Variants in APOB observed in about 807,000 individuals in gnomAD.
APOB encodes apolipoprotein B-100.
Under a neutral mutation model 314.1 loss-of-function variants are expected in APOB, and 153 were observed. The observed-to-expected ratio is 0.49, with a 90% CI of 0.43 to 0.56. The LOEUF (loss-of-function observed/expected upper bound fraction) is 0.56. Among genes scored for constraint, APOB ranks in the 20% least tolerant of loss-of-function variants. The pLI, the probability that APOB is intolerant of heterozygous loss-of-function variation, is 0.00. For missense variants in APOB, 5,430 were observed against 5,350.7 expected (o/e 1.01, Z -0.46); for synonymous variants, 2,087 against 2,036.4 (o/e 1.02, Z -0.67).
At position 21,011,381 on chromosome 2, in the gene APOB, T is replaced by C. The variant is rs1462008901; in HGVS notation, c.5487A>G (p.Gly1829=). ...GTTTTATTTCATTATTTTGGTAGGC[T>C]CCTTTTAGGTTACCAGCCACATGCA... ...LKLHVAGNLK[G]AYQNNEIKHI... is the part of the protein sequence containing the mutation. The change falls in exon 26 of 29, where the codon GGA becomes GGG. Residue 1829 remains glycine, a synonymous_variant. Coordinates refer to ENST00000233242, the MANE Select transcript of APOB (RefSeq NM_000384.3). The C allele has an allele frequency of 5.6e-6, 9 of 1,614,164 alleles. No individual in the cohort carries two copies. Among genetic ancestry groups the C allele is most frequent in the Non-Finnish European group, 8.5e-7 (1 of 1,180,034 alleles).
chr2:21,014,651 T>C (rs1663420025), intron 23 of APOB, 58 bp from the exon 24 acceptor site: 2 of 1,586,380 alleles, frequency 1.3e-6, no homozygotes, highest in African/African-American at 1.3e-5. Context: ...CAAAGAGCAA[T>C]GAACATTAGG....
In APOB at chr2:21,007,390, C is replaced by T. The variant is rs999346511; in HGVS notation, c.9478G>A (p.Glu3160Lys). The change falls in exon 26 of 29, where the codon GAA (glutamate) becomes AAA (lysine). Residue 3160 changes from glutamate (E) to lysine (K), a missense_variant. Glu to Lys is a moderately conservative substitution (Grantham distance 56, BLOSUM62 1). Coordinates refer to ENST00000233242, the MANE Select transcript of APOB (RefSeq NM_000384.3). ...FSLWEKTGLK[E>K]FLKTTKQSFD... ...GATTGCTTTGTCGTTTTCAAGAATTCCTTCAAGCCTGTTTTTTCCCATAGA... is the reference window on the plus strand; with the variant it reads ...GATTGCTTTGTCGTTTTCAAGAATTTCTTCAAGCCTGTTTTTTCCCATAGA... 4.3e-6 allele frequency: 7 copies of T among 1,613,960 alleles called. No homozygotes were observed. The Middle Eastern group carries it at 8.2e-4, about 190-fold the overall frequency.
rs764238469 is a variant in APOB, at chr2:21,004,468, C to G, written c.11904-16G>C. Reference sequence around the variant, plus strand: ...TTCCCATTCCCTGAAAGCAGAAAAACAGATGAGCTATCACGAAAGGGGTAT... The same window carrying G: ...TTCCCATTCCCTGAAAGCAGAAAAAGAGATGAGCTATCACGAAAGGGGTAT... On this transcript the variant is annotated splice_polypyrimidine_tract_variant and intron_variant, in intron 27 of 28. Transcript: ENST00000233242. The G allele has an allele frequency of 1.6e-5, 26 of 1,613,858 alleles. No homozygotes were observed. The highest frequency in any genetic ancestry group is 2.1e-5 in the Non-Finnish European group (25 of 1,179,890).
Position 21,007,030 on chromosome 2 carries a change from T to G in APOB, c.9838A>C (p.Met3280Leu), listed in dbSNP as rs921553649. The change falls in exon 26 of 29, where the codon ATG becomes CTG. Residue 3280 changes from methionine to leucine, a missense_variant. By Grantham distance (15) the Met-to-Leu change is conservative. Transcript: ENST00000233242. ...FGYVFPKAVS[M>L]PSFSILGSDV... ...GAACCTAGGATGGAGAAACTAGGCA[T>G]GCTGACTGCTTTTGGGAACACATAG... 2 of 1,613,918 alleles carry G rather than the reference T, an allele frequency of 1.2e-6. No homozygotes were observed. The highest frequency in any genetic ancestry group is 1.7e-6 in the Non-Finnish European group (2 of 1,179,968).
In APOB at chr2:21,016,542, G is replaced by T; in HGVS notation, c.3229C>A (p.Leu1077Ile). Residue 1077 changes from leucine (L) to isoleucine (I), a missense_variant, in exon 21 of 29, where the codon CTC becomes ATC. Physicochemically the swap from Leu to Ile is conservative, Grantham distance 5. Transcript: ENST00000233242. ...TCAGTAGATTCATCATTAACTCTGA[G>T]GATTGTTCCGAGGTCAACATCAAAA... ...PDFDVDLGTI[L>I]RVNDESTEGK... 6.2e-7 allele frequency: 1 copy of T among 1,605,256 alleles called. No individual in the cohort carries two copies. Among genetic ancestry groups the T allele is most frequent in the Non-Finnish European group, 8.5e-7 (1 of 1,171,872 alleles).
rs1346593460 is a variant in APOB, at chr2:21,032,502, G to T, written c.1204C>A (p.His402Asn). 1.2e-6 allele frequency: 2 copies of T among 1,614,234 alleles called. No homozygotes were observed. Among genetic ancestry groups the T allele is most frequent in the African/African-American group, 2.7e-5 (2 of 75,052 alleles). Reference protein sequence around the residue: ...THILQWLKRVHANPLLIDVVT... With the variant: ...THILQWLKRVNANPLLIDVVT... ...ACATCTATCAGAAGGGGGTTGGCAT[G>T]CACACGTTTCAGCCACTGGAGGATG... The change falls in exon 10 of 29, where the codon CAT becomes AAT. Residue 402 changes from histidine to asparagine, a missense_variant. This residue lies in a region of APOB where 2,085 missense variants were observed against 2,079.7 expected (regional missense o/e 1.00). Coordinates refer to ENST00000233242, the MANE Select transcript of APOB (RefSeq NM_000384.3).
chr2:21,010,109 A>G lies in APOB; in HGVS notation c.6759T>C (p.Asp2253=). Residue 2253 remains aspartate, a synonymous_variant, in exon 26 of 29, where the codon GAT becomes GAC. Transcript: ENST00000233242. ...SSTASWIQNV[D]TKYQIRIQIQ... ...TCTGGATTCTGATTTGGTACTTAGT[A>G]TCCACATTTTGAATCCAGGATGCAG... The G allele has an allele frequency of 6.2e-7, 1 of 1,612,656 alleles. No individual in the cohort carries two copies. The highest frequency in any genetic ancestry group is 8.5e-7 in the Non-Finnish European group (1 of 1,179,408).
In APOB at chr2:21,002,285, T is replaced by C. The variant is rs1572774743; in HGVS notation, c.13137A>G (p.Gln4379=). 1 of 1,613,902 alleles carries C rather than the reference T, an allele frequency of 6.2e-7. No individual in the cohort carries two copies. The highest frequency in any genetic ancestry group is 8.5e-7 in the Non-Finnish European group (1 of 1,179,896). Residue 4379 remains glutamine, a synonymous_variant, in exon 29 of 29, where the codon CAA becomes CAG. Coordinates refer to ENST00000233242, the MANE Select transcript of APOB (RefSeq NM_000384.3). ...EASQELQQIH[Q]YIMALREEYF... is the part of the protein sequence containing the mutation. ...ATTCTTCACGAAGGGCCATAATGTATTGATGGATCTGCTGTAACTCTTGAG... is the reference window on the plus strand; with the variant it reads ...ATTCTTCACGAAGGGCCATAATGTACTGATGGATCTGCTGTAACTCTTGAG...
At chr2:21,004,751 G>A in intron 26 of APOB, 76 bp from the exon 27 acceptor site, 1 of 1,116,504 alleles carries the variant, frequency 9.0e-7, no homozygotes, top group Non-Finnish European at 1.4e-6. Flanking sequence ...AAAACTGGGA[G>A]AATTCTATCC....
At position 21,011,593 on chromosome 2, in the gene APOB, T is replaced by C. The variant is rs778603296; in HGVS notation, c.5275A>G (p.Ile1759Val). 1 of 1,614,100 alleles carries C rather than the reference T, an allele frequency of 6.2e-7. No homozygotes were observed. Among genetic ancestry groups the C allele is most frequent in the African/African-American group, 1.3e-5 (1 of 74,942 alleles). The change falls in exon 26 of 29, where the codon ATT (isoleucine) becomes GTT (valine). Residue 1759 changes from isoleucine (I) to valine (V), a missense_variant. Transcript: ENST00000233242. ...MKFDHTNSLN[I>V]AGLSLDFSSK... The stretch of plus-strand genomic sequence containing the variant: ...GAGAAGTCCAGTGATAAGCCTGCAA[T>C]GTTCAGACTGTTTGTGTGGTCAAAT...
rs752197838 is a variant in APOB at position 21,032,440 on chromosome 2, T to C, written c.1266A>G (p.Ser422=). 5 of 1,614,046 alleles carry C rather than the reference T, an allele frequency of 3.1e-6. No homozygotes were observed. The highest frequency in any genetic ancestry group is 1.7e-5 in the Admixed American group (1 of 60,014). Residue 422 remains serine, a synonymous_variant, in exon 10 of 29, where the codon TCA becomes TCG. Coordinates refer to ENST00000233242, the MANE Select transcript of APOB (RefSeq NM_000384.3). ...TGAAGATCTCTCGCAGCTGCTGTGC[T>C]GAGGGCTCGGGGATCAGGGCCACCA... is the stretch of plus-strand genomic sequence containing the variant. ...TYLVALIPEP[S]AQQLREIFNM...
chr2:21,008,309 T>A lies in APOB; in HGVS notation c.8559A>T (p.Lys2853Asn). ...TGTGTAAACTTGCCACTGTGTTTGA[T>A]TTTCCCTCAATAGCATTTCCAAAAA... ...MLFFGNAIEG[K>N]SNTVASLHTE... The change falls in exon 26 of 29, where the codon AAA (lysine) becomes AAT (asparagine). Residue 2853 changes from lysine to asparagine, a missense_variant. By Grantham distance (94) the Lys-to-Asn change is moderately conservative (BLOSUM62 0). Coordinates refer to ENST00000233242, the MANE Select transcript of APOB (RefSeq NM_000384.3). 1 of 1,613,272 alleles carries A rather than the reference T, an allele frequency of 6.2e-7. No individual in the cohort carries two copies. The highest frequency in any genetic ancestry group is 8.5e-7 in the Non-Finnish European group (1 of 1,179,376).
intron 9 of APOB, 49 bp from the exon 10 acceptor site, chr2:21,032,630 AT>A: frequency 7.0e-7 from 1 of 1,423,086 alleles, no homozygotes; most frequent in African/African-American, 1.4e-5. Flanking sequence ...TTCAGGGCAC[AT>A]AAAATATTGC....
At position 21,035,636 on chromosome 2, in the gene APOB, C is replaced by T. The variant is rs1251675108; in HGVS notation, c.766G>A (p.Val256Met). 1 of 1,614,106 alleles carries T rather than the reference C, an allele frequency of 6.2e-7. No homozygotes were observed. The highest frequency in any genetic ancestry group is 1.7e-5 in the Admixed American group (1 of 60,030). The change falls in exon 7 of 29, where the codon GTG becomes ATG. Residue 256 changes from valine to methionine, a missense_variant. Val to Met is a conservative substitution (Grantham distance 21). Coordinates refer to ENST00000233242, the MANE Select transcript of APOB (RefSeq NM_000384.3). ...TGCTCCTTGCAGATGGCTTCTGCCACATGCTTCCTCTTAGCGTCCAGTGTG... is the reference window on the plus strand; with the variant it reads ...TGCTCCTTGCAGATGGCTTCTGCCATATGCTTCCTCTTAGCGTCCAGTGTG... ...QYTLDAKRKH[V>M]AEAICKEQHL... is the part of the protein sequence containing the mutation.
rs1463222984 is a variant in APOB at position 21,013,477 on chromosome 2, A to G, written c.3899T>C (p.Leu1300Ser). Residue 1300 changes from leucine to serine, a missense_variant, in exon 25 of 29, where the codon TTG (leucine) becomes TCG (serine). Leu to Ser is a moderately radical substitution (Grantham distance 145). Around this residue, in one of 3 missense-constraint regions of APOB, gnomAD observed 2,085 missense variants for 2,079.7 expected, o/e 1.00. Transcript: ENST00000233242. ...NKNSLKIEIPLPFGGKSSRDL... is the reference protein window; with the variant it reads ...NKNSLKIEIPSPFGGKSSRDL... ...TCTGGAGGATTTGCCACCAAAAGGC[A>G]AAGGAATCTCAATTTTCAAACTGTT... 2.5e-6 allele frequency: 4 copies of G among 1,614,092 alleles called. No homozygotes were observed. Among genetic ancestry groups the G allele is most frequent in the Non-Finnish European group, 3.4e-6 (4 of 1,180,026 alleles).
At chr2:21,043,439 G>T (rs1197366629) in intron 2 of APOB, 74 bp downstream of exon 2, 13 of 1,510,370 alleles carry the variant, frequency 8.6e-6, no homozygotes, top group Non-Finnish European at 1.2e-5. Flanking sequence ...AGAGTGGGAG[G>T]CCCTCAGGGA....
chr2:21,016,272 G>A (rs1164181271), intron 21 of APOB, among the ~76,000 whole-genome samples, 167 bp downstream of exon 21: 1 of 151,470 alleles, frequency 6.6e-6, no homozygotes, highest in Non-Finnish European at 1.5e-5. Context: ...TGGTGACAGA[G>A]TGAGACTCCA....
chr2:21,037,383 T>G, intron 5 of APOB, 128 bp from the exon 6 acceptor site: 1 of 1,049,634 alleles, frequency 9.5e-7, no homozygotes, highest in Non-Finnish European at 1.4e-6. Flanking sequence ...GACTTTCTTT[T>G]TCTTCCTATG....
In APOB at chr2:21,033,490, C is replaced by T; in HGVS notation, c.933G>A (p.Glu311=). ...EGTKKMGLAF[E]STKSTSPPKQ... is the part of the protein sequence containing the mutation. ...TTGGAGGTGATGTGGATTTGGTGCTCTCAAATGCGAGGCCCATCTTCTTAG... is the reference window on the plus strand; with the variant it reads ...TTGGAGGTGATGTGGATTTGGTGCTTTCAAATGCGAGGCCCATCTTCTTAG... The change falls in exon 9 of 29, where the codon GAG becomes GAA. Residue 311 remains glutamate, a synonymous_variant. Coordinates refer to ENST00000233242, the MANE Select transcript of APOB (RefSeq NM_000384.3). 1 of 1,614,114 alleles carries T rather than the reference C, an allele frequency of 6.2e-7. No individual in the cohort carries two copies. Among genetic ancestry groups the T allele is most frequent in the Non-Finnish European group, 8.5e-7 (1 of 1,180,010 alleles).
Sources: allele counts gnomAD v4.1 joint callset (sites outside exome capture counted in the v4.1 genomes callset), GRCh38; gene constraint gnomAD v4.1.1; regional missense constraint gnomAD v4.1.1; transcripts MANE v1.5; gene names NCBI Gene and HGNC (gene_info 2026-07-23, HGNC 2026-07-21).